The following PTPRN2 variants were observed in gnomAD, a reference collection of about 807,000 sequenced individuals.
The protein encoded by PTPRN2 is receptor-type tyrosine-protein phosphatase N2.
A neutral mutation model predicts 118.8 loss-of-function variants in PTPRN2; 74 were observed. The observed-to-expected ratio is 0.62, with a 90% CI of 0.52 to 0.76. The LOEUF is 0.76. Ranked by LOEUF, PTPRN2 falls within the 30% of genes least tolerant of loss-of-function variation. The pLI, the probability that PTPRN2 is intolerant of heterozygous loss-of-function variation, is 0.00. For synonymous variants in PTPRN2, 641 were observed against 608.0 expected, an observed-to-expected ratio of 1.05 and a Z score of -0.80; for missense variants, 1,481 against 1,394.4, an observed-to-expected ratio of 1.06 and a Z score of -0.99.
At chr7:158,143,856 C>A (rs1819623004) in intron 6 of PTPRN2, among the ~76,000 whole-genome samples, 1 of 152,158 alleles carries the variant, frequency 6.6e-6, no homozygotes, top group Non-Finnish European at 1.5e-5. Flanking sequence ...GCACAGCAGG[C>A]ACCACAAGGC....
chr7:157,747,211 C>T (rs13241790), intron 12 of PTPRN2, among the ~76,000 whole-genome samples: 92 of 96,616 alleles, frequency 9.5e-4, no homozygotes, highest in East Asian at 6.9e-3. Context: ...GGCCTGCGTC[C>T]CTGAGCTGTG....
intron 12 of PTPRN2, among the ~76,000 whole-genome samples, chr7:157,842,754 C>T (rs117147357): frequency 0.027 from 4,084 of 152,246 alleles, 71 homozygotes; most frequent in Middle Eastern, 0.058. Flanking sequence ...ACAGTGCACA[C>T]CCAGCCCTTT....
chr7:157,725,662 A>G (rs13239726), intron 12 of PTPRN2, among the ~76,000 whole-genome samples: 676 of 85,026 alleles, frequency 8.0e-3, no homozygotes, highest in African/African-American at 0.024. Context: ...ATATCTACAC[A>G]CAGAGGAGTG....
chr7:157,677,361 G>C (rs1256584162), intron 13 of PTPRN2, among the ~76,000 whole-genome samples: 1 of 152,202 alleles, frequency 6.6e-6, no homozygotes, highest in Non-Finnish European at 1.5e-5. Flanking sequence ...TGGGGGGAGT[G>C]GCTTGCTGTA....
chr7:157,937,703 G>A (rs1225799738), intron 11 of PTPRN2, among the ~76,000 whole-genome samples: 2 of 152,212 alleles, frequency 1.3e-5, no homozygotes, highest in Non-Finnish European at 2.9e-5. Flanking sequence ...GGCTTGAGCC[G>A]GGGCCTGGAA....
At chr7:158,184,076 TTCAATCTTTTG>T (rs1328790936) in intron 5 of PTPRN2, among the ~76,000 whole-genome samples, 1 of 22,680 alleles carries the variant, frequency 4.4e-5, no homozygotes, top group East Asian at 6.0e-3. Context: ...GGCTTGTCTT[TTCAATCTTTTG>T]TGTGTCTTTC....
chr7:158,144,639 G>A (rs1819717500), intron 6 of PTPRN2, among the ~76,000 whole-genome samples: 1 of 152,144 alleles, frequency 6.6e-6, no homozygotes, highest in Non-Finnish European at 1.5e-5. Flanking sequence ...AGAAGGGGAA[G>A]GGGAAGGGGA....
chr7:158,400,901 G>A (rs551801897), intron 2 of PTPRN2, among the ~76,000 whole-genome samples: 12 of 149,246 alleles, frequency 8.0e-5, no homozygotes, highest in Middle Eastern at 3.4e-3. Flanking sequence ...CCCACCCCCC[G>A]CATTCCCCCA....
In PTPRN2 at chr7:158,378,891, C is replaced by T. The variant is rs73516617; in HGVS notation, c.164-61959G>A. Among the ~76,000 whole-genome samples, 335 of 152,288 alleles carry T rather than the reference C, an allele frequency of 2.2e-3. 2 individuals carry two copies. The highest frequency in any genetic ancestry group is 7.2e-3 in the African/African-American group (301 of 41,570). ...ACCAGAAAAGGCTGGTTGGCTGTTA[C>T]GATCAAGGGGACTTTAATGGGATGG... On this transcript the variant is annotated intron_variant, in intron 2 of 22. Transcript: ENST00000389418.
At chr7:158,571,870 T>A (rs1828064477) in intron 1 of PTPRN2, among the ~76,000 whole-genome samples, 2 of 152,214 alleles carry the variant, frequency 1.3e-5, no homozygotes, top group Admixed American at 6.5e-5. Flanking sequence ...CAAAGTCTTA[T>A]CACACGTGGA....
intron 6 of PTPRN2, among the ~76,000 whole-genome samples, chr7:158,151,132 C>T (rs866579487): frequency 0.053 from 4,672 of 87,458 alleles, 774 homozygotes; most frequent in African/African-American, 0.073. Context: ...CCACACCGCC[C>T]GCCTTTCTAT....
At chr7:158,288,059 A>G (rs1586137298) in intron 3 of PTPRN2, among the ~76,000 whole-genome samples, 3 of 152,118 alleles carry the variant, frequency 2.0e-5, no homozygotes, top group Non-Finnish European at 4.4e-5. Flanking sequence ...TCACTGTATA[A>G]TGACTTTATT....
Position 157,674,827 on chromosome 7 carries a change from C to G in PTPRN2, c.2001+7898G>C, listed in dbSNP as rs78097158. 2.6e-5 allele frequency among the ~76,000 whole-genome samples: 4 copies of G among 152,218 alleles called. No homozygotes were observed. Among genetic ancestry groups the G allele is most frequent in the Admixed American group, 6.5e-5 (1 of 15,286 alleles). ...CCCTGCCGGGCGTCTCCTCCCACGC[C>G]GAGCTCCTCCTGCCGGGGGGGTCTG... On this transcript the variant is annotated intron_variant, in intron 13 of 22. Transcript: ENST00000389418. The surrounding 1 kb of genome is among the most constrained non-coding windows in gnomAD (Gnocchi z 4.5).
intron 2 of PTPRN2, among the ~76,000 whole-genome samples, chr7:158,462,380 G>C (rs998482672): frequency 3.0e-4 from 45 of 152,282 alleles, no homozygotes; most frequent in African/African-American, 1.1e-3. Context: ...TGTCTGGTGT[G>C]CTGGCATCAT....
chr7:158,367,461 C>T (rs867056664), intron 2 of PTPRN2, among the ~76,000 whole-genome samples: 1 of 152,190 alleles, frequency 6.6e-6, no homozygotes, highest in Admixed American at 6.6e-5. Context: ...GGCAGGAGGA[C>T]GCAGTGGTTC....
intron 11 of PTPRN2, among the ~76,000 whole-genome samples, chr7:157,910,539 C>T (rs569512003): frequency 1.3e-5 from 2 of 152,306 alleles, no homozygotes; most frequent in African/African-American, 2.4e-5. Context: ...GCACGTACGC[C>T]GTAGGAACGG....
chr7:158,171,348 T>TATACACAC (rs1554571717), intron 5 of PTPRN2, among the ~76,000 whole-genome samples: 9 of 89,980 alleles, frequency 1.0e-4, no homozygotes, highest in East Asian at 3.1e-4. Flanking sequence ...TATATATATA[T>TATACACAC]ACACACACAC....
chr7:157,548,570 C>T (rs991274928), intron 22 of PTPRN2, among the ~76,000 whole-genome samples: 5 of 152,226 alleles, frequency 3.3e-5, no homozygotes, highest in Non-Finnish European at 5.9e-5. Context: ...GCGCAGGCCC[C>T]GGAGAGGCCG....
intron 11 of PTPRN2, among the ~76,000 whole-genome samples, chr7:158,071,808 G>A (rs1318138687): frequency 1.9e-5 from 2 of 104,150 alleles, no homozygotes; most frequent in African/African-American, 4.1e-5. Context: ...CCTGGTGGAG[G>A]TGCTCGTCGT....
Sources: gnomAD v4.1 joint callset for allele counts (sites outside exome capture counted in the v4.1 genomes callset) on GRCh38, gnomAD v4.1.1 for gene constraint, Gnocchi (gnomAD v3.1) non-coding constraint, MANE v1.5 for transcripts, NCBI Gene and HGNC (gene_info 2026-07-23, HGNC 2026-07-21) for gene names.